Variants in ZNF91 observed in about 807,000 individuals in gnomAD.
ZNF91 encodes the protein zinc finger protein 91.
In ZNF91, 7 loss-of-function variants were observed where a neutral mutation model predicts 12.6. The observed-to-expected ratio is 0.55, with a 90% CI of 0.31 to 1.04. The LOEUF (loss-of-function observed/expected upper bound fraction) is 1.04, where lower values mean the gene tolerates loss of function less well. Among genes scored for constraint, ZNF91 ranks in the 50% least tolerant of loss-of-function variants. ZNF91 has a pLI of 0.05. For synonymous variants in ZNF91, 453 were observed against 462.6 expected, an observed-to-expected ratio of 0.98 and a Z score of 0.27; for missense variants, 1,217 against 1,385.4, an observed-to-expected ratio of 0.88 and a Z score of 1.93.
At chr19:23,395,273 G>A in intron 1 of ZNF91, 52 bp downstream of exon 1, 3 of 1,603,752 alleles carry the variant, frequency 1.9e-6, no homozygotes, top group Non-Finnish European at 2.6e-6. Flanking sequence ...CATCCCACCG[G>A]TTTCAACGAG....
chr19:23,368,562 C>CTATATATATATATATATATA (rs71163494), intron 3 of ZNF91, among the ~76,000 whole-genome samples: 1 of 118,578 alleles, frequency 8.4e-6, no homozygotes, highest in African/African-American at 3.3e-5. Flanking sequence ...CTCTCTCTCT[C>CTATATATATATATATATATA]TATATATATA....
chr19:23,344,015 T>C (rs148712887), intron 3 of ZNF91, among the ~76,000 whole-genome samples: 2 of 152,330 alleles, frequency 1.3e-5, no homozygotes, highest in East Asian at 1.9e-4. Flanking sequence ...AATGGACAGA[T>C]TGGCATCAGG....
intron 3 of ZNF91, among the ~76,000 whole-genome samples, chr19:23,343,012 T>C (rs967461167): frequency 6.6e-6 from 1 of 152,182 alleles, no homozygotes; most frequent in African/African-American, 2.4e-5. Flanking sequence ...TATTGTTAAA[T>C]AGAGAAAGAT....
rs1266882180 is a variant in ZNF91 at position 23,362,049 on chromosome 19, A to G, written c.930T>C (p.Ala310=). 3 of 1,613,864 alleles carry G rather than the reference A, an allele frequency of 1.9e-6. No homozygotes were observed. Among genetic ancestry groups the G allele is most frequent in the Admixed American group, 3.3e-5 (2 of 59,936 alleles). ...CTCCAGTATGAATTCTCTTATGTTT[A>G]GCAAGGGTTGAAGAATGGCTAAAAG... ...GKAFSHSSTL[A]KHKRIHTGEK... is the part of the protein sequence containing the mutation. The change falls in exon 4 of 4, where the codon GCT becomes GCC. Residue 310 remains alanine, a synonymous_variant. Coordinates refer to ENST00000300619, the MANE Select transcript of ZNF91 (RefSeq NM_003430.4).
chr19:23,369,916 C>G (rs1285920470), intron 3 of ZNF91, among the ~76,000 whole-genome samples: 1 of 149,760 alleles, frequency 6.7e-6, no homozygotes, highest in African/African-American at 2.5e-5. Context: ...CCTTTGTTCA[C>G]TTGTTTATCT....
intron 1 of ZNF91, chr19:23,385,276 A>C (rs1487447432): frequency 8.0e-6 from 4 of 500,678 alleles, no homozygotes; most frequent in Non-Finnish European, 1.1e-5. Flanking sequence ...GCTGAATGTC[A>C]CGGAAAAAAA....
At chr19:23,388,045 A>C (rs1969935213) in intron 1 of ZNF91, among the ~76,000 whole-genome samples, 1 of 151,590 alleles carries the variant, frequency 6.6e-6, no homozygotes, top group Admixed American at 6.6e-5. Context: ...CAGGAGTTCC[A>C]GACCAGCCTG....
intron 3 of ZNF91, among the ~76,000 whole-genome samples, chr19:23,343,421 T>C (rs1315826102): frequency 6.6e-6 from 1 of 152,230 alleles, no homozygotes; most frequent in Non-Finnish European, 1.5e-5. Flanking sequence ...CCCATGTATA[T>C]GACCAGTGAA....
chr19:23,318,134 G>C (rs1047739688), intron 1 of ZNF91, among the ~76,000 whole-genome samples: 2 of 152,172 alleles, frequency 1.3e-5, no homozygotes, highest in Non-Finnish European at 2.9e-5. Context: ...CAGTTAATAT[G>C]AGTCTACCCT....
chr19:23,318,263 T>G (rs916186622), intron 1 of ZNF91, among the ~76,000 whole-genome samples: 5 of 152,184 alleles, frequency 3.3e-5, no homozygotes, highest in African/African-American at 1.2e-4. Flanking sequence ...TCAGATGATA[T>G]AACTCTCCTG....
chr19:23,359,642 T>G lies in ZNF91; in HGVS notation c.3337A>C (p.Lys1113Gln). The change falls in exon 4 of 4, where the codon AAA becomes CAA. Residue 1113 changes from lysine to glutamine, a missense_variant. By Grantham distance (53) the Lys-to-Gln change is moderately conservative. Around this residue, in one of 2 missense-constraint regions of ZNF91, gnomAD observed 491 missense variants for 489.8 expected, o/e 1.00. Coordinates refer to ENST00000300619, the MANE Select transcript of ZNF91 (RefSeq NM_003430.4). ...EKPYKCGECG[K>Q]AFKESSALTK... The stretch of plus-strand genomic sequence containing the variant: ...AGAGCTGAGGACTCTTTAAAGGCTT[T>G]GCCACATTCTCCACATTTGTAGGGT... The G allele has an allele frequency of 6.2e-7, 1 of 1,614,120 alleles. No homozygotes were observed. Among genetic ancestry groups the G allele is most frequent in the Non-Finnish European group, 8.5e-7 (1 of 1,180,008 alleles).
In ZNF91 at chr19:23,360,918, T is replaced by C. The variant is rs1218684537; in HGVS notation, c.2061A>G (p.Lys687=). Residue 687 remains lysine (K), a synonymous_variant, in exon 4 of 4, where the codon AAA becomes AAG. Transcript: ENST00000300619. ...KITHTEEKPY[K]CKECDKTFKR... Reference sequence around the variant, plus strand: ...TAAAAGTTTTGTCACATTCTTTACATTTGTAGGGTTTCTCTTCAGTATGAG... The same window carrying C: ...TAAAAGTTTTGTCACATTCTTTACACTTGTAGGGTTTCTCTTCAGTATGAG... The C allele has an allele frequency of 6.2e-7, 1 of 1,612,812 alleles. No individual in the cohort carries two copies. Among genetic ancestry groups the C allele is most frequent in the South Asian group, 1.1e-5 (1 of 90,970 alleles).
At chr19:23,335,955 C>T (rs1411329550), downstream of ZNF91, among the ~76,000 whole-genome samples, 4 of 152,018 alleles carry the variant, frequency 2.6e-5, no homozygotes, top group Admixed American at 1.3e-4. Context: ...CTTGGAACCC[C>T]GGAAAATACT....
intron 3 of ZNF91, among the ~76,000 whole-genome samples, chr19:23,370,547 A>G (rs1268147373): frequency 6.6e-6 from 1 of 152,216 alleles, no homozygotes; most frequent in Non-Finnish European, 1.5e-5. Flanking sequence ...CTGTCACACA[A>G]GCTTGAGTAG....
Position 23,395,436 on chromosome 19 carries a change from A to G in ZNF91, c.-82T>C, listed in dbSNP as rs1970204551. ...TGGAGCAGAGGACACAGAGCAGTGA[A>G]GTCGAGACCTGGAAACTCCGGCGGC... On this transcript the variant is annotated 5_prime_UTR_variant, in exon 1 of 4. Coordinates refer to ENST00000300619, the MANE Select transcript of ZNF91 (RefSeq NM_003430.4). 6.5e-7 allele frequency: 1 copy of G among 1,541,422 alleles called. No individual in the cohort carries two copies. Among genetic ancestry groups the G allele is most frequent in the East Asian group, 2.3e-5 (1 of 43,840 alleles).
intron 3 of ZNF91, among the ~76,000 whole-genome samples, chr19:23,368,929 T>A (rs1969140402): frequency 6.6e-6 from 1 of 152,012 alleles, no homozygotes; most frequent in Admixed American, 6.6e-5. Context: ...TGCATTAAAA[T>A]CACAATGAGA....
intron 1 of ZNF91, among the ~76,000 whole-genome samples, chr19:23,379,555 C>T (rs892074074): frequency 5.3e-5 from 8 of 152,108 alleles, no homozygotes; most frequent in African/African-American, 1.4e-4. Context: ...GAATTTACAG[C>T]GCCATGTCAT....
At chr19:23,333,021 G>GA (rs764590901) in intron 1 of ZNF91, among the ~76,000 whole-genome samples, 5 of 152,130 alleles carry the variant, frequency 3.3e-5, no homozygotes, top group Non-Finnish European at 7.4e-5. Flanking sequence ...TTCCAGAAGT[G>GA]AAAAAGGGTG....
intron 1 of ZNF91, among the ~76,000 whole-genome samples, chr19:23,309,963 A>G (rs1451101857): frequency 6.6e-6 from 1 of 152,178 alleles, no homozygotes; most frequent in Non-Finnish European, 1.5e-5. Context: ...GATGCAGTCC[A>G]CAGTTAAAAT....
Sources: gnomAD v4.1 joint callset for allele counts (sites outside exome capture counted in the v4.1 genomes callset) on GRCh38, gnomAD v4.1.1 for gene constraint, gnomAD v4.1.1 regional missense constraint, MANE v1.5 for transcripts, NCBI Gene and HGNC (gene_info 2026-07-23, HGNC 2026-07-21) for gene names.